The following IPO7 variants were observed in gnomAD, a reference collection of about 807,000 sequenced individuals.
IPO7 encodes importin-7.
IPO7 carries 13 observed loss-of-function variants against 136.4 expected under a neutral mutation model. The ratio of observed to expected loss-of-function variants is 0.10; its 90% CI spans 0.06 to 0.15. The LOEUF (loss-of-function observed/expected upper bound fraction) is 0.15. IPO7 is among the 10% of genes least tolerant of loss of function. The pLI is 1.00. For synonymous variants in IPO7, 403 were observed against 404.4 expected, an observed-to-expected ratio of 1.00 and a Z score of 0.04; for missense variants, 857 against 1,240.6, an observed-to-expected ratio of 0.69 and a Z score of 4.65.
At chr11:9,444,279 A>G (rs1455570682) in intron 24 of IPO7, among the ~76,000 whole-genome samples, 5 of 109,350 alleles carry the variant, frequency 4.6e-5, no homozygotes. Context: ...CTCTGTCTCT[A>G]AAAAAAAAAA....
chr11:9,428,387 G>A (rs2133755248), intron 12 of IPO7, among the ~76,000 whole-genome samples, 153 bp from the exon 13 acceptor site: 1 of 152,308 alleles, frequency 6.6e-6, no homozygotes, highest in Non-Finnish European at 1.5e-5. Context: ...TGAAGTTCTG[G>A]AATACGAAAA....
chr11:9,429,622 T>C, intron 14 of IPO7, 52 bp from the exon 15 acceptor site: 2 of 1,439,508 alleles, frequency 1.4e-6, no homozygotes, highest in Non-Finnish European at 1.9e-6. Flanking sequence ...TTATATCAGG[T>C]TTTAAGAAGT....
At chr11:9,425,776 G>T (rs184817540) in intron 12 of IPO7, among the ~76,000 whole-genome samples, 61 of 152,124 alleles carry the variant, frequency 4.0e-4, no homozygotes, top group Admixed American at 3.8e-3. Context: ...CTACTCAGGA[G>T]GCTGAGGCAG....
chr11:9,386,288 G>A (rs906863231), intron 1 of IPO7, among the ~76,000 whole-genome samples: 2 of 152,176 alleles, frequency 1.3e-5, no homozygotes, highest in Non-Finnish European at 2.9e-5. Flanking sequence ...TAGACTCAGA[G>A]TCACCTTGGG....
At chr11:9,425,761 C>G (rs1277275114) in intron 12 of IPO7, among the ~76,000 whole-genome samples, 2 of 152,050 alleles carry the variant, frequency 1.3e-5, no homozygotes, top group African/African-American at 4.8e-5. Context: ...CGCCTGTAGT[C>G]CCAGCTACTC....
chr11:9,414,950 G>A (rs112988790), intron 5 of IPO7, among the ~76,000 whole-genome samples: 8 of 151,932 alleles, frequency 5.3e-5, no homozygotes, highest in African/African-American at 1.9e-4. Context: ...TTGCAAATGG[G>A]CAATGTCAAA....
At chr11:9,396,499 T>G (rs1164907248) in intron 1 of IPO7, among the ~76,000 whole-genome samples, 2 of 152,214 alleles carry the variant, frequency 1.3e-5, no homozygotes, top group Non-Finnish European at 2.9e-5. Context: ...TGTTCACAGT[T>G]GTACAGCCAT....
At chr11:9,408,012 G>A (rs1045292950) in intron 2 of IPO7, among the ~76,000 whole-genome samples, 28 of 152,174 alleles carry the variant, frequency 1.8e-4, no homozygotes, top group African/African-American at 6.5e-4. Flanking sequence ...GTATGGGATT[G>A]AAATACTTAA....
chr11:9,444,230 A>G (rs1384216207), intron 24 of IPO7, among the ~76,000 whole-genome samples: 2 of 151,156 alleles, frequency 1.3e-5, no homozygotes, highest in Non-Finnish European at 1.5e-5. Flanking sequence ...GTGAGCCAAC[A>G]TTGCGCCACT....
intron 20 of IPO7, 144 bp downstream of exon 20, chr11:9,436,510 TG>T: frequency 3.6e-6 from 2 of 561,966 alleles, no homozygotes; most frequent in Non-Finnish European, 3.2e-6. Flanking sequence ...TAGTTCAAAA[TG>T]TAACTAATAT....
intron 3 of IPO7, 101 bp downstream of exon 3, chr11:9,408,740 T>C (rs1854925943): frequency 4.0e-6 from 3 of 751,330 alleles, no homozygotes; most frequent in Non-Finnish European, 5.7e-6. Flanking sequence ...TGAGATGGAC[T>C]TTCCCTCTGT....
chr11:9,417,018 T>C lies in IPO7; in HGVS notation c.637-41T>C, dbSNP rs370735715. Reference sequence around the variant, plus strand: ...GAGTAAAAAGAAGTAGGATTTTCTTTAGCAAGGATTTCGAAATATTAATTC... The same window carrying C: ...GAGTAAAAAGAAGTAGGATTTTCTTCAGCAAGGATTTCGAAATATTAATTC... On this transcript the variant is annotated intron_variant, in intron 5 of 24. Transcript: ENST00000379719. 113 of 924,368 alleles carry C rather than the reference T, an allele frequency of 1.2e-4. No individual in the cohort carries two copies. The African/African-American group carries it at 1.7e-3, about 14-fold the overall frequency. 57.3% of individuals were successfully genotyped at this position (924,368 alleles called of 1,614,324 possible).
In IPO7 at chr11:9,414,337, C is replaced by T. The variant is rs1855009677; in HGVS notation, c.562C>T (p.Leu188Phe). 6.2e-7 allele frequency: 1 copy of T among 1,612,390 alleles called. No individual in the cohort carries two copies. Among genetic ancestry groups the T allele is most frequent in the Non-Finnish European group, 8.5e-7 (1 of 1,178,618 alleles). The change falls in exon 5 of 25, where the codon CTT becomes TTT. Residue 188 changes from leucine to phenylalanine, a missense_variant. Physicochemically the swap from Leu to Phe is conservative, Grantham distance 22. Around this residue, in one of 11 missense-constraint regions of IPO7, gnomAD observed 287 missense variants for 307.5 expected, o/e 0.93. Coordinates refer to ENST00000379719, the MANE Select transcript of IPO7 (RefSeq NM_006391.3). ...AGTTCTAAAGGATCGTTTTATCCAG[C>T]TTCTTTCTGACCAGTCTGATCAGTC... ...LPVLKDRFIQ[L>F]LSDQSDQSVL...
In IPO7 at chr11:9,447,943, C is replaced by A. The variant is rs893829219; in HGVS notation, c.*2749C>A. On this transcript the variant is annotated 3_prime_UTR_variant, in exon 25 of 25. Coordinates refer to ENST00000379719, the MANE Select transcript of IPO7 (RefSeq NM_006391.3). ...CTTGGGCCATATGCTGCTATTCAGTCCCAGATGTAGCCCCTGAAGCAAGCA... is the reference window on the plus strand; with the variant it reads ...CTTGGGCCATATGCTGCTATTCAGTACCAGATGTAGCCCCTGAAGCAAGCA... 4 of 151,958 alleles carry A rather than the reference C, an allele frequency of 2.6e-5. No individual in the cohort carries two copies. Among genetic ancestry groups the A allele is most frequent in the Non-Finnish European group, 5.9e-5 (4 of 67,992 alleles). The allele number at this position is 151,958 out of a possible 1,614,324, so 9.4% of individuals were successfully genotyped here. A position where few individuals can be genotyped will look rare whatever the true frequency, so the allele number is the denominator to read the frequency against.
At chr11:9,387,620 T>A (rs377760688) in intron 1 of IPO7, among the ~76,000 whole-genome samples, 2 of 152,300 alleles carry the variant, frequency 1.3e-5, no homozygotes, top group East Asian at 3.9e-4. Context: ...TCACTTGAGG[T>A]TGGGAGTTTG....
intron 20 of IPO7, 128 bp downstream of exon 20, chr11:9,436,494 T>A: frequency 3.5e-6 from 2 of 572,854 alleles, no homozygotes; most frequent in Non-Finnish European, 6.2e-6. Flanking sequence ...AGACAACTAA[T>A]ATTTTTAGTT....
intron 13 of IPO7, 81 bp from the exon 14 acceptor site, chr11:9,428,950 C>A: frequency 7.8e-7 from 1 of 1,282,430 alleles, no homozygotes; most frequent in Non-Finnish European, 1.1e-6. Context: ...AATTCCCACA[C>A]ACAGAACTCA....
intron 8 of IPO7, 96 bp from the exon 9 acceptor site, chr11:9,422,910 T>G: frequency 1.6e-6 from 1 of 632,160 alleles, no homozygotes; most frequent in Non-Finnish European, 2.6e-6. Flanking sequence ...GATGATGAGC[T>G]TGTCATTAAA....
At chr11:9,399,163 A>G (rs1590428927) in intron 1 of IPO7, among the ~76,000 whole-genome samples, 1 of 147,588 alleles carries the variant, frequency 6.8e-6, no homozygotes, top group Non-Finnish European at 1.5e-5. Flanking sequence ...GAGAAAATGG[A>G]TGCTTTTTTT....
Sources: allele counts gnomAD v4.1 joint callset (sites outside exome capture counted in the v4.1 genomes callset), GRCh38; gene constraint gnomAD v4.1.1; regional missense constraint gnomAD v4.1.1; transcripts MANE v1.5; gene names NCBI Gene and HGNC (gene_info 2026-07-23, HGNC 2026-07-21).